Variants in CDH18 observed in about 807,000 individuals in gnomAD.
The protein encoded by CDH18 is cadherin-18.
CDH18 carries 31 observed loss-of-function variants against 67.9 expected under a neutral mutation model. That is an observed-to-expected ratio of 0.46 (90% CI 0.34 to 0.62). CDH18 has a LOEUF of 0.62. Among genes scored for constraint, CDH18 ranks in the 20% least tolerant of loss-of-function variants. CDH18 has a pLI of 0.01. For synonymous variants in CDH18, 362 were observed against 347.2 expected, an observed-to-expected ratio of 1.04 and a Z score of -0.48; for missense variants, 890 against 975.5, an observed-to-expected ratio of 0.91 and a Z score of 1.17.
At chr5:19,849,082 TC>T (rs1313625208) in intron 2 of CDH18, among the ~76,000 whole-genome samples, 1 of 151,942 alleles carries the variant, frequency 6.6e-6, no homozygotes, top group Non-Finnish European at 1.5e-5. Context: ...AACAAATAAA[TC>T]TACTATTTAC....
intron 10 of CDH18, among the ~76,000 whole-genome samples, chr5:19,510,728 G>A (rs1311765827): frequency 6.6e-6 from 1 of 151,804 alleles, no homozygotes. Flanking sequence ...ACCCCTACCT[G>A]GAGAGACCAG....
intron 4 of CDH18, among the ~76,000 whole-genome samples, chr5:19,721,943 C>T (rs1313991472): frequency 2.0e-5 from 3 of 152,134 alleles, no homozygotes; most frequent in Non-Finnish European, 4.4e-5. Flanking sequence ...TCAATGACAT[C>T]ACAACACTCC....
At chr5:20,281,463 G>A (rs967995156) in intron 1 of CDH18, among the ~76,000 whole-genome samples, 1 of 152,092 alleles carries the variant, frequency 6.6e-6, no homozygotes, top group African/African-American at 2.4e-5. Flanking sequence ...ATTAAATAGG[G>A]AATCCTTTCC....
intron 1 of CDH18, among the ~76,000 whole-genome samples, chr5:20,263,315 G>A (rs1047368972): frequency 2.0e-5 from 3 of 152,100 alleles, no homozygotes; most frequent in Non-Finnish European, 4.4e-5. Flanking sequence ...AAATGTGATT[G>A]CTTAAAGTTG....
chr5:20,306,597 A>C (rs1736480800), intron 1 of CDH18, among the ~76,000 whole-genome samples: 1 of 152,208 alleles, frequency 6.6e-6, no homozygotes, highest in South Asian at 2.1e-4. Flanking sequence ...TGAAATTTAA[A>C]TAAGCATTTT....
chr5:19,975,454 C>G (rs1185121736), intron 2 of CDH18, among the ~76,000 whole-genome samples: 1 of 152,026 alleles, frequency 6.6e-6, no homozygotes, highest in Non-Finnish European at 1.5e-5. Flanking sequence ...GGATTGTGTA[C>G]TACCAAAATA....
chr5:20,456,775 C>T (rs1750865264), intron 1 of CDH18, among the ~76,000 whole-genome samples: 1 of 151,950 alleles, frequency 6.6e-6, no homozygotes, highest in East Asian at 1.9e-4. Context: ...GATGGTGTCT[C>T]TAAAATACCA....
chr5:20,319,206 G>T (rs1267753437), intron 1 of CDH18, among the ~76,000 whole-genome samples: 1 of 152,052 alleles, frequency 6.6e-6, no homozygotes, highest in Non-Finnish European at 1.5e-5. Context: ...TTTCCCTTTG[G>T]TCAGATGGAG....
At chr5:20,483,308 T>G (rs1363758266) in intron 1 of CDH18, among the ~76,000 whole-genome samples, 1 of 152,026 alleles carries the variant, frequency 6.6e-6, no homozygotes. Flanking sequence ...ATTTTTGAAT[T>G]GGAAGAATCA....
intron 2 of CDH18, among the ~76,000 whole-genome samples, chr5:20,113,488 G>A (rs1187433118): frequency 6.6e-6 from 1 of 152,174 alleles, no homozygotes; most frequent in African/African-American, 2.4e-5. Context: ...CAGATTGATT[G>A]CATTCTCAAG....
chr5:19,547,796 G>A (rs981687452), intron 8 of CDH18, among the ~76,000 whole-genome samples: 8 of 152,166 alleles, frequency 5.3e-5, no homozygotes, highest in African/African-American at 1.4e-4. Flanking sequence ...GATTGTGGGC[G>A]ATGCTTGGAT....
intron 3 of CDH18, among the ~76,000 whole-genome samples, chr5:19,778,684 C>T (rs1462145472): frequency 6.6e-6 from 1 of 152,026 alleles, no homozygotes; most frequent in Non-Finnish European, 1.5e-5. Context: ...TGTGCAAAGT[C>T]AAACTAATGA....
At chr5:20,173,704 T>C (rs1737020224) in intron 2 of CDH18, among the ~76,000 whole-genome samples, 1 of 152,188 alleles carries the variant, frequency 6.6e-6, no homozygotes, top group Non-Finnish European at 1.5e-5. Flanking sequence ...ATAACTGAAA[T>C]TAGAATGCTG....
intron 1 of CDH18, among the ~76,000 whole-genome samples, chr5:20,370,447 C>CA (rs1488443181): frequency 1.3e-5 from 2 of 152,262 alleles, no homozygotes; most frequent in Non-Finnish European, 2.9e-5. Context: ...TAGCTGGTAG[C>CA]AGTGCTGAGG....
chr5:20,027,049 T>C (rs1456767455), intron 2 of CDH18, among the ~76,000 whole-genome samples: 1 of 152,044 alleles, frequency 6.6e-6, no homozygotes, highest in Admixed American at 6.5e-5. Flanking sequence ...TGGACCTTGA[T>C]ATGGAAATAA....
intron 3 of CDH18, among the ~76,000 whole-genome samples, chr5:19,780,314 T>C (rs1370257838): frequency 2.0e-5 from 3 of 152,142 alleles, no homozygotes; most frequent in Admixed American, 1.3e-4. Flanking sequence ...TCCTTGTCGA[T>C]AAGAGACAGA....
At chr5:19,574,440 G>A (rs186783327) in intron 7 of CDH18, among the ~76,000 whole-genome samples, 17 of 152,204 alleles carry the variant, frequency 1.1e-4, no homozygotes, top group South Asian at 4.2e-4. Flanking sequence ...TTGAATTAAC[G>A]CAACTGGAAA....
At chr5:19,701,254 T>A (rs188365983) in intron 5 of CDH18, among the ~76,000 whole-genome samples, 130 of 152,304 alleles carry the variant, frequency 8.5e-4, no homozygotes, top group Non-Finnish European at 1.0e-3. Context: ...ATCCCTGCTG[T>A]ATATATCTCC....
intron 10 of CDH18, among the ~76,000 whole-genome samples, chr5:19,507,563 T>G (rs2126800434): frequency 6.6e-6 from 1 of 152,206 alleles, no homozygotes; most frequent in East Asian, 1.9e-4. Context: ...CACCATGAAA[T>G]ACTATGCAGC....
Sources: gnomAD v4.1 joint callset for allele counts (sites outside exome capture counted in the v4.1 genomes callset) on GRCh38, gnomAD v4.1.1 for gene constraint, MANE v1.5 for transcripts, NCBI Gene and HGNC (gene_info 2026-07-23, HGNC 2026-07-21) for gene names.